Variants in CCDC154 observed in about 807,000 individuals in gnomAD.
CCDC154 encodes coiled-coil domain containing 154.
CCDC154 carries 91 observed loss-of-function variants against 87.5 expected under a neutral mutation model. That is an observed-to-expected ratio of 1.04 (90% CI 0.88 to 1.24). The LOEUF (loss-of-function observed/expected upper bound fraction) is 1.24, where lower values mean the gene tolerates loss of function less well. Among genes scored for constraint, CCDC154 ranks in the 50% most tolerant of loss-of-function variants. The pLI is 0.00. For missense variants in CCDC154, 903 were observed against 879.2 expected, an observed-to-expected ratio of 1.03 and a Z score of -0.34; for synonymous variants, 418 against 400.4, an observed-to-expected ratio of 1.04 and a Z score of -0.52.
At chr16:1,438,338 A>G in intron 9 of CCDC154, 162 bp from the exon 10 acceptor site, 1 of 926,978 alleles carries the variant, frequency 1.1e-6, no homozygotes, top group Non-Finnish European at 1.6e-6. Flanking sequence ...TTCACTCCCC[A>G]TGGCCACCAA....
At position 1,436,790 on chromosome 16, in the gene CCDC154, C is replaced by T. The variant is rs1354739137; in HGVS notation, c.1312G>A (p.Ala438Thr). The T allele has an allele frequency of 1.3e-6, 2 of 1,550,572 alleles. No homozygotes were observed. Among genetic ancestry groups the T allele is most frequent in the East Asian group, 2.4e-5 (1 of 40,922 alleles). The change falls in exon 12 of 17, where the codon GCA (alanine) becomes ACA (threonine). Residue 438 changes from alanine (A) to threonine (T), a missense_variant. Ala to Thr is a moderately conservative substitution (Grantham distance 58). Coordinates refer to ENST00000389176, the MANE Select transcript of CCDC154 (RefSeq NM_001143980.3). The part of the protein sequence containing the change: ...LSEAKTEWEG[A>T]ERKSLEDLAR... ...AGGTCCTCCAGGGACTTCCTCTCTG[C>T]ACCTTCCCATTCGGTCTTTGCCTGG...
At chr16:1,435,251 T>G in intron 14 of CCDC154, 76 bp from the exon 15 acceptor site, 1 of 1,311,724 alleles carries the variant, frequency 7.6e-7, no homozygotes, top group Non-Finnish European at 1.1e-6. Context: ...CACCCCGATA[T>G]CCACTGTTGA....
Position 1,444,355 on chromosome 16 carries a change from G to T in CCDC154, c.-33C>A. On this transcript the variant is annotated 5_prime_UTR_variant, in exon 1 of 17. Coordinates refer to ENST00000389176, the MANE Select transcript of CCDC154 (RefSeq NM_001143980.3). ...GGGCTGCACCGGCCACCCTGCCCTC[G>T]GCTGTAGCTTGGGCCTTGGGGCCTC... The T allele has an allele frequency of 7.7e-7, 1 of 1,298,958 alleles. No homozygotes were observed. Among genetic ancestry groups the T allele is most frequent in the Non-Finnish European group, 1.0e-6 (1 of 988,396 alleles). 80.5% of individuals were successfully genotyped at this position (1,298,958 alleles called of 1,614,324 possible). A position where few individuals can be genotyped will look rare whatever the true frequency, so the allele number is the denominator to read the frequency against.
Position 1,442,502 on chromosome 16 carries a change from C to G in CCDC154, c.579G>C (p.Gln193His), listed in dbSNP as rs778966340. 6.5e-7 allele frequency: 1 copy of G among 1,548,870 alleles called. No individual in the cohort carries two copies. The change falls in exon 6 of 17, where the codon CAG (glutamine) becomes CAC (histidine). Residue 193 changes from glutamine (Q) to histidine (H), a missense_variant. Gln to His is a conservative substitution (Grantham distance 24). Coordinates refer to ENST00000389176, the MANE Select transcript of CCDC154 (RefSeq NM_001143980.3). ...LRLAKLTDLL[Q>H]QEEQGREVAC... ...CCACCTCCCGGCCCTGCTCCTCCTG[C>G]TGCAGCAAGTCGGTCAGCTTGGCCA...
chr16:1,444,081 C>A, intron 1 of CCDC154, 69 bp from the exon 2 acceptor site: 1 of 1,188,744 alleles, frequency 8.4e-7, no homozygotes, highest in Non-Finnish European at 1.1e-6. Context: ...GGGAACAAGG[C>A]CCCAAACCCC....
rs1486412497 is a variant in CCDC154 at position 1,442,865 on chromosome 16, G to A, written c.551+15C>T. 3.2e-6 allele frequency: 5 copies of A among 1,545,478 alleles called. No individual in the cohort carries two copies. Among genetic ancestry groups the A allele is most frequent in the East Asian group, 4.9e-5 (2 of 40,876 alleles). On this transcript the variant is annotated intron_variant, in intron 5 of 16. Transcript: ENST00000389176. ...ACGCAAGCTCCGGAGCCAGCCACGG[G>A]CGGTGGGCGCCCACCTGAGGCCGGC...
chr16:1,443,996 T>A lies in CCDC154; in HGVS notation c.24A>T (p.Gly8=), dbSNP rs2038585785. Residue 8 remains glycine, a synonymous_variant, in exon 2 of 17, where the codon GGA becomes GGT. Coordinates refer to ENST00000389176, the MANE Select transcript of CCDC154 (RefSeq NM_001143980.3). MSELADS[G]PSGASAPSQL... is the part of the protein sequence containing the mutation. ...GGGAAGGGGCCGATGCCCCTGAGGGTCCACTGTCAGCCAACTCTACAAGGA... is the reference window on the plus strand; with the variant it reads ...GGGAAGGGGCCGATGCCCCTGAGGGACCACTGTCAGCCAACTCTACAAGGA... 2 of 1,300,512 alleles carry A rather than the reference T, an allele frequency of 1.5e-6. No individual in the cohort carries two copies. The highest frequency in any genetic ancestry group is 2.0e-6 in the Non-Finnish European group (2 of 988,864). The allele number at this position is 1,300,512 out of a possible 1,614,324, so 80.6% of individuals were successfully genotyped here.
chr16:1,435,718 G>C (rs1357793679), intron 14 of CCDC154, among the ~76,000 whole-genome samples: 1 of 152,134 alleles, frequency 6.6e-6, no homozygotes, highest in Non-Finnish European at 1.5e-5. Flanking sequence ...TAGAGACAGG[G>C]TTTCTCCATG....
At chr16:1,437,698 G>T in intron 11 of CCDC154, 119 bp downstream of exon 11, 1 of 1,257,312 alleles carries the variant, frequency 8.0e-7, no homozygotes, top group Non-Finnish European at 1.1e-6. Context: ...TCGCTGGGTG[G>T]GACGGGAGGC....
chr16:1,434,795 C>A lies in CCDC154; in HGVS notation c.1750G>T (p.Gly584Cys). Reference sequence around the variant, plus strand: ...CAGCTGCCCAGCGGCGTCCGCGGGCCCTCCTCACTCCACAGCCGGAGCACA... The same window carrying A: ...CAGCTGCCCAGCGGCGTCCGCGGGCACTCCTCACTCCACAGCCGGAGCACA... ...ESVLRLWSEE[G>C]PRTPLGSWKA... The change falls in exon 16 of 17, where the codon GGC becomes TGC. Residue 584 changes from glycine to cysteine, a missense_variant. Gly to Cys is a radical substitution (Grantham distance 159). Coordinates refer to ENST00000389176, the MANE Select transcript of CCDC154 (RefSeq NM_001143980.3). The A allele has an allele frequency of 6.5e-7, 1 of 1,539,772 alleles. No homozygotes were observed. The highest frequency in any genetic ancestry group is 1.2e-5 in the South Asian group (1 of 83,696).
chr16:1,444,300 C>G lies in CCDC154; in HGVS notation c.7+16G>C. 7.7e-7 allele frequency: 1 copy of G among 1,302,334 alleles called. No individual in the cohort carries two copies. Among genetic ancestry groups the G allele is most frequent in the South Asian group, 1.2e-5 (1 of 81,022 alleles). The allele number at this position is 1,302,334 out of a possible 1,614,324, so 80.7% of individuals were successfully genotyped here. On this transcript the variant is annotated intron_variant, in intron 1 of 16. Transcript: ENST00000389176. Reference sequence around the variant, plus strand: ...GGCAAGCCCCTCCCTGGGCCCCGCTCCTCCGCTCTGGTCACCTGACATGGC... The same window carrying G: ...GGCAAGCCCCTCCCTGGGCCCCGCTGCTCCGCTCTGGTCACCTGACATGGC...
At position 1,438,788 on chromosome 16, in the gene CCDC154, A is replaced by G. The variant is rs1485730457; in HGVS notation, c.906+27T>C. 6.8e-6 allele frequency: 10 copies of G among 1,470,276 alleles called. No homozygotes were observed. The Admixed American group carries it at 2.0e-4, about 29-fold the overall frequency. 91.1% of individuals were successfully genotyped at this position (1,470,276 alleles called of 1,614,324 possible). ...AGACCTGCACCCCGGCCCCGGCCCC[A>G]CCTGCCCGCCGCCCGCCCGGCCCCA... is the stretch of plus-strand genomic sequence containing the variant. On this transcript the variant is annotated intron_variant, in intron 8 of 16. Transcript: ENST00000389176.
At chr16:1,443,335 C>T in intron 3 of CCDC154, 34 bp from the exon 4 acceptor site, 7 of 1,539,344 alleles carry the variant, frequency 4.5e-6, no homozygotes, top group Non-Finnish European at 6.1e-6. Flanking sequence ...TGGGCTGGAC[C>T]TAGGCCCGGG....
Position 1,442,910 on chromosome 16 carries a change from C to T in CCDC154, c.521G>A (p.Arg174Lys), listed in dbSNP as rs903126179. The change falls in exon 5 of 17, where the codon AGA (arginine) becomes AAA (lysine). Residue 174 changes from arginine to lysine, a missense_variant. Transcript: ENST00000389176. ...GCCGGCCTCTTGCTCGGCGCCCCTT[C>T]TCTCCGCCTCCTGTTGCACCTGCCT... is the stretch of plus-strand genomic sequence containing the variant. ...RRRQVQQEAERRGAEQEAGLR... is the reference protein window; with the variant it reads ...RRRQVQQEAEKRGAEQEAGLR... 18 of 1,549,686 alleles carry T rather than the reference C, an allele frequency of 1.2e-5. No homozygotes were observed. Among genetic ancestry groups the T allele is most frequent in the Non-Finnish European group, 1.5e-5 (17 of 1,146,740 alleles).
At position 1,444,367 on chromosome 16, in the gene CCDC154, G is replaced by A. The variant is rs1386075140; in HGVS notation, c.-45C>T. 38 of 1,295,018 alleles carry A rather than the reference G, an allele frequency of 2.9e-5. 1 individual carries two copies. The African/African-American group carries it at 3.1e-4, about 11-fold the overall frequency. The allele number at this position is 1,295,018 out of a possible 1,614,324, so 80.2% of individuals were successfully genotyped here. A position where few individuals can be genotyped will look rare whatever the true frequency, so the allele number is the denominator to read the frequency against. On this transcript the variant is annotated 5_prime_UTR_variant, in exon 1 of 17. Coordinates refer to ENST00000389176, the MANE Select transcript of CCDC154 (RefSeq NM_001143980.3). ...CCACCCTGCCCTCGGCTGTAGCTTG[G>A]GCCTTGGGGCCTCTGAGGTTGCCCA...
Position 1,434,418 on chromosome 16 carries a change from A to G in CCDC154, c.1994T>C (p.Ile665Thr). ...ACAAAGCCAGCACGTTTATTTCTGG[A>G]TAAACAGTGAGGGTGTGAGCTGCTG... ...QVQQLTPSLF[I>T]QK is the part of the protein sequence containing the mutation. Residue 665 changes from isoleucine to threonine, a missense_variant, in exon 17 of 17, where the codon ATC becomes ACC. Ile to Thr is a moderately conservative substitution (Grantham distance 89). Transcript: ENST00000389176. 6.5e-7 allele frequency: 1 copy of G among 1,550,350 alleles called. No individual in the cohort carries two copies. Among genetic ancestry groups the G allele is most frequent in the East Asian group, 2.4e-5 (1 of 40,922 alleles).
At chr16:1,434,932 G>A (rs1037169405) in intron 15 of CCDC154, 80 bp from the exon 16 acceptor site, 45 of 1,439,944 alleles carry the variant, frequency 3.1e-5, no homozygotes, top group East Asian at 1.2e-4. Flanking sequence ...ATCTCCCACC[G>A]GGAGCCTGGA....
At chr16:1,437,543 G>A (rs1183473850) in intron 11 of CCDC154, 14 of 435,204 alleles carry the variant, frequency 3.2e-5, no homozygotes, top group South Asian at 2.3e-4. Flanking sequence ...CTGCCCCGCC[G>A]TGAGCTGCCC....
intron 16 of CCDC154, 61 bp from the exon 17 acceptor site, chr16:1,434,595 C>A: frequency 6.6e-7 from 1 of 1,508,656 alleles, no homozygotes. Flanking sequence ...GGCCCACCTG[C>A]TGCCTGTGGG....
Sources: gnomAD v4.1 joint callset for allele counts (sites outside exome capture counted in the v4.1 genomes callset) on GRCh38, gnomAD v4.1.1 for gene constraint, MANE v1.5 for transcripts, NCBI Gene and HGNC (gene_info 2026-07-23, HGNC 2026-07-21) for gene names.